MACF1: variants seen among roughly 807,000 people sequenced by gnomAD.
MACF1 encodes the protein microtubule-actin cross-linking factor 1.
In MACF1, 193 loss-of-function variants were observed where a neutral mutation model predicts 854.8. That is an observed-to-expected ratio of 0.23 (90% confidence interval 0.20 to 0.25). The LOEUF (loss-of-function observed/expected upper bound fraction) is 0.25. Ranked by LOEUF, MACF1 falls within the 10% of genes least tolerant of loss-of-function variation. The pLI is 1.00. For missense variants in MACF1, 7,722 were observed against 8,929.1 expected (o/e 0.86, Z 5.45); for synonymous variants, 3,185 against 3,226.7 (o/e 0.99, Z 0.44).
intron 6 of MACF1, among the ~76,000 whole-genome samples, chr1:39,259,633 G>GT (rs1191334821): frequency 6.7e-6 from 1 of 149,006 alleles, no homozygotes; most frequent in Non-Finnish European, 1.5e-5. Context: ...TTCTTTTTTT[G>GT]TTTTTTGAGA....
At chr1:39,337,038 T>C in intron 37 of MACF1, 144 bp from the exon 38 acceptor site, 1 of 691,616 alleles carries the variant, frequency 1.4e-6, no homozygotes, top group Non-Finnish European at 2.3e-6. Context: ...TGATTTGAAA[T>C]GACTTAAACA....
At chr1:39,131,033 G>A (rs1642987933) in intron 2 of MACF1, among the ~76,000 whole-genome samples, 1 of 150,694 alleles carries the variant, frequency 6.6e-6, no homozygotes, top group Non-Finnish European at 1.5e-5. Context: ...TGCATTTCCA[G>A]TAGAAACGGG....
intron 47 of MACF1, 46 bp downstream of exon 47, chr1:39,359,310 T>G (rs1444638971): frequency 6.2e-7 from 1 of 1,600,098 alleles, no homozygotes. Flanking sequence ...ATTCCTAGTA[T>G]GTACCTCTAT....
At chr1:39,193,455 T>A (rs1054719805) in intron 2 of MACF1, among the ~76,000 whole-genome samples, 2 of 152,220 alleles carry the variant, frequency 1.3e-5, no homozygotes, top group African/African-American at 2.4e-5. Context: ...TTCACTTACC[T>A]TCTTGCATTT....
chr1:39,435,041 A>G (rs1643942842), intron 69 of MACF1, among the ~76,000 whole-genome samples: 2 of 152,210 alleles, frequency 1.3e-5, no homozygotes, highest in African/African-American at 2.4e-5. Flanking sequence ...ACACTTCAAA[A>G]TGTTTATTTC....
At chr1:39,220,584 G>A (rs1237562268) in intron 1 of MACF1, among the ~76,000 whole-genome samples, 1 of 149,796 alleles carries the variant, frequency 6.7e-6, no homozygotes, top group Non-Finnish European at 1.5e-5. Context: ...CCGAGTTCAA[G>A]CGATTCTCCT....
Position 39,335,477 on chromosome 1 carries a change from G to A in MACF1, c.8889G>A (p.Leu2963=). 3.7e-6 allele frequency: 6 copies of A among 1,614,174 alleles called. No individual in the cohort carries two copies. Among genetic ancestry groups the A allele is most frequent in the Non-Finnish European group, 5.1e-6 (6 of 1,180,016 alleles). ...GCAAATTGCCGAGTGAGCAGGTTTT[G>A]CAGCAACCAATGAATGCTCGGGTGA... is the stretch of plus-strand genomic sequence containing the variant. ...TSGKLPSEQV[L]QQPMNARVKS... is the part of the protein sequence containing the mutation. Residue 2963 remains leucine, a synonymous_variant, in exon 37 of 101, where the codon TTG becomes TTA. Transcript: ENST00000564288.
At chr1:39,151,844 A>G (rs1222531545) in intron 2 of MACF1, among the ~76,000 whole-genome samples, 1 of 152,218 alleles carries the variant, frequency 6.6e-6, no homozygotes, top group African/African-American at 2.4e-5. Context: ...AGTGCTCTAC[A>G]AATTTGGCAC....
chr1:39,253,889 T>C (rs1044752608), intron 4 of MACF1, among the ~76,000 whole-genome samples: 3 of 152,346 alleles, frequency 2.0e-5, no homozygotes, highest in African/African-American at 7.2e-5. Context: ...ATGCAATATG[T>C]AATTAGGACT....
At chr1:39,337,855 T>C (rs1350959274) in intron 38 of MACF1, among the ~76,000 whole-genome samples, 1 of 150,650 alleles carries the variant, frequency 6.6e-6, no homozygotes, top group Admixed American at 6.6e-5. Flanking sequence ...CTGCAAGCTC[T>C]GCCTCCCGGG....
chr1:39,327,383 G>A (rs746134297), intron 36 of MACF1, 30 bp downstream of exon 36: 4 of 1,570,086 alleles, frequency 2.5e-6, no homozygotes, highest in Non-Finnish European at 2.6e-6. Context: ...CCAAATATTG[G>A]GTGGATACCT....
At position 39,442,859 on chromosome 1, in the gene MACF1, T is replaced by C; in HGVS notation, c.19250T>C (p.Val6417Ala). ...LEAMNQCWES[V>A]LQKTEEREQQ... ...GCCATGAACCAATGCTGGGAGTCAG[T>C]GTTACAGAAAACAGAGGAGAGGGAG... The change falls in exon 78 of 101, where the codon GTG (valine) becomes GCG (alanine). Residue 6417 changes from valine to alanine, a missense_variant. Physicochemically the swap from Val to Ala is moderately conservative, Grantham distance 64. Coordinates refer to ENST00000564288, the MANE Select transcript of MACF1 (RefSeq NM_001394062.1). 1.2e-6 allele frequency: 2 copies of C among 1,613,982 alleles called. No individual in the cohort carries two copies. Among genetic ancestry groups the C allele is most frequent in the Non-Finnish European group, 1.7e-6 (2 of 1,179,914 alleles).
intron 1 of MACF1, among the ~76,000 whole-genome samples, chr1:39,219,458 C>G (rs559289528): frequency 6.6e-6 from 1 of 152,270 alleles, no homozygotes; most frequent in Non-Finnish European, 1.5e-5. Flanking sequence ...TGAGATAAGC[C>G]TCAAACAGCA....
At chr1:39,412,278 G>A in intron 58 of MACF1, 1 of 1,613,934 alleles carries the variant, frequency 6.2e-7, no homozygotes, top group Middle Eastern at 1.6e-4. Context: ...AAGTAGAGGT[G>A]TTATATGAAT....
Position 39,322,621 on chromosome 1 carries a change from A to G in MACF1, c.4043A>G (p.Gln1348Arg). The G allele has an allele frequency of 6.2e-7, 1 of 1,613,974 alleles. No individual in the cohort carries two copies. The highest frequency in any genetic ancestry group is 1.1e-5 in the South Asian group (1 of 91,084). Residue 1348 changes from glutamine (Q) to arginine (R), a missense_variant, in exon 32 of 101, where the codon CAA becomes CGA. By Grantham distance (43) the Gln-to-Arg change is conservative. This residue lies in a region of MACF1 where 1,137 missense variants were observed against 1,263.0 expected (regional missense o/e 0.90). Transcript: ENST00000564288. ...YSTIVKDYELQLMTYKAFVES... is the reference protein window; with the variant it reads ...YSTIVKDYELRLMTYKAFVES... ...ATCCTTTCCTAGGACTATGAATTGC[A>G]ACTGATGACATACAAGGCCTTTGTG...
chr1:39,334,463 A>G lies in MACF1; in HGVS notation c.7875A>G (p.Arg2625=). The part of the protein sequence containing the change: ...MHGIVDPENC[R]IVPYSELVKK... ...GCATTGTAGATCCCGAGAACTGCAG[A>G]ATTGTCCCCTACTCAGAATTAGTCA... is the stretch of plus-strand genomic sequence containing the variant. The change falls in exon 37 of 101, where the codon AGA becomes AGG. Residue 2625 remains arginine, a synonymous_variant. Transcript: ENST00000564288. 6.2e-7 allele frequency: 1 copy of G among 1,614,110 alleles called. No individual in the cohort carries two copies. The highest frequency in any genetic ancestry group is 8.5e-7 in the Non-Finnish European group (1 of 1,179,986).
At position 39,340,972 on chromosome 1, in the gene MACF1, T is replaced by G; in HGVS notation, c.10581+19T>G. The G allele has an allele frequency of 1.3e-6, 2 of 1,576,504 alleles. No individual in the cohort carries two copies. The highest frequency in any genetic ancestry group is 1.7e-6 in the Non-Finnish European group (2 of 1,162,042). On this transcript the variant is annotated intron_variant, in intron 40 of 100. Transcript: ENST00000564288. ...GTATGAGGTAAACTCAAGCACATTT[T>G]CTTTGTCCTTTGAGTTGTATCAATT...
chr1:39,418,734 A>C (rs934718096), intron 58 of MACF1, among the ~76,000 whole-genome samples: 1 of 152,170 alleles, frequency 6.6e-6, no homozygotes, highest in Non-Finnish European at 1.5e-5. Context: ...GTGGTGGCGC[A>C]TGCCTGTAGT....
At chr1:39,392,954 C>T (rs1242298062) in intron 58 of MACF1, among the ~76,000 whole-genome samples, 2 of 151,808 alleles carry the variant, frequency 1.3e-5, no homozygotes, top group Non-Finnish European at 2.9e-5. Flanking sequence ...AGGAAGAAGC[C>T]ATTCTAGAAA....
Sources: allele counts gnomAD v4.1 joint callset (sites outside exome capture counted in the v4.1 genomes callset), GRCh38; gene constraint gnomAD v4.1.1; regional missense constraint gnomAD v4.1.1; transcripts MANE v1.5; gene names NCBI Gene and HGNC (gene_info 2026-07-23, HGNC 2026-07-21).